MARCHF1: variants seen among roughly 807,000 people sequenced by gnomAD.
The protein encoded by MARCHF1 is E3 ubiquitin-protein ligase MARCHF1.
MARCHF1 carries 40 observed loss-of-function variants against 54.2 expected under a neutral mutation model. The observed-to-expected ratio is 0.74, with a 90% CI of 0.57 to 0.96. MARCHF1 has a LOEUF of 0.96. Ranked by LOEUF, MARCHF1 falls within the 40% of genes least tolerant of loss-of-function variation. The pLI is 0.00. For synonymous variants in MARCHF1, 236 were observed against 236.3 expected, an observed-to-expected ratio of 1.00 and a Z score of 0.01; for missense variants, 586 against 656.5, an observed-to-expected ratio of 0.89 and a Z score of 1.17.
intron 1 of MARCHF1, among the ~76,000 whole-genome samples, chr4:164,228,830 T>C (rs988931392): frequency 6.6e-6 from 1 of 152,278 alleles, no homozygotes; most frequent in South Asian, 2.1e-4. Context: ...GACCAAATCC[T>C]AGTCTTAATA....
Position 164,212,480 on chromosome 4 carries a change from T to A in MARCHF1, c.-322-100818A>T, listed in dbSNP as rs75141321. ...TCTATGGATGTTAACAGACTTAAAATTTTTTAAAGTATATTTTCTGTTTTT... is the reference window on the plus strand; with the variant it reads ...TCTATGGATGTTAACAGACTTAAAAATTTTTAAAGTATATTTTCTGTTTTT... On this transcript the variant is annotated intron_variant, in intron 1 of 9. Coordinates refer to ENST00000514618, the MANE Select transcript of MARCHF1 (RefSeq NM_001394959.1). Among the ~76,000 whole-genome samples the A allele has an allele frequency of 9.4e-3, 1,439 of 152,320 alleles. 26 individuals carry two copies. The highest frequency in any genetic ancestry group is 0.033 in the African/African-American group (1,367 of 41,568).
At chr4:164,039,095 T>G (rs756732942) in intron 2 of MARCHF1, among the ~76,000 whole-genome samples, 2 of 152,194 alleles carry the variant, frequency 1.3e-5, no homozygotes, top group Non-Finnish European at 2.9e-5. Flanking sequence ...AACAAATACA[T>G]GCACACACGT....
intron 8 of MARCHF1, among the ~76,000 whole-genome samples, chr4:163,547,218 T>C (rs991179458): frequency 1.9e-4 from 29 of 152,214 alleles, no homozygotes; most frequent in African/African-American, 6.8e-4. Flanking sequence ...CCTCACTGCC[T>C]CGTCTTCATG....
At chr4:164,119,056 A>G (rs1292814922) in intron 1 of MARCHF1, among the ~76,000 whole-genome samples, 1 of 151,580 alleles carries the variant, frequency 6.6e-6, no homozygotes, top group Non-Finnish European at 1.5e-5. Flanking sequence ...GGGTTTTTGC[A>G]TACCAAAAAT....
intron 8 of MARCHF1, among the ~76,000 whole-genome samples, chr4:163,568,964 C>T (rs1378738738): frequency 6.6e-6 from 1 of 152,162 alleles, no homozygotes; most frequent in Non-Finnish European, 1.5e-5. Context: ...AAAAGACTGT[C>T]TGTAGCAGTT....
chr4:164,255,812 A>C (rs1733264428), intron 1 of MARCHF1, among the ~76,000 whole-genome samples: 1 of 152,202 alleles, frequency 6.6e-6, no homozygotes, highest in South Asian at 2.1e-4. Flanking sequence ...ATCATATTTG[A>C]TACTTTGATA....
chr4:164,077,788 C>A (rs1023903990), intron 2 of MARCHF1, among the ~76,000 whole-genome samples: 10 of 152,208 alleles, frequency 6.6e-5, no homozygotes, highest in Non-Finnish European at 1.2e-4. Context: ...AAAAGCTCAT[C>A]ATCGCTGGTC....
chr4:164,351,127 G>A (rs1257624593), intron 1 of MARCHF1, among the ~76,000 whole-genome samples: 2 of 152,132 alleles, frequency 1.3e-5, no homozygotes, highest in Non-Finnish European at 2.9e-5. Context: ...ACGGAATCTC[G>A]CTGATTGCTA....
chr4:163,787,372 C>T (rs555612099), intron 4 of MARCHF1, among the ~76,000 whole-genome samples: 1 of 151,440 alleles, frequency 6.6e-6, no homozygotes, highest in East Asian at 1.9e-4. Context: ...AACCTCTAAA[C>T]TCAACAATAA....
intron 3 of MARCHF1, among the ~76,000 whole-genome samples, chr4:163,938,095 G>A (rs1209916445): frequency 6.6e-6 from 1 of 152,024 alleles, no homozygotes; most frequent in East Asian, 1.9e-4. Context: ...ATCCTCTCAG[G>A]CCACCTGCTT....
chr4:163,823,406 A>G (rs1479809437), intron 4 of MARCHF1, among the ~76,000 whole-genome samples: 1 of 151,866 alleles, frequency 6.6e-6, no homozygotes, highest in African/African-American at 2.4e-5. Context: ...AATCAAACCT[A>G]ATAAACTGTG....
intron 3 of MARCHF1, among the ~76,000 whole-genome samples, chr4:163,861,296 C>T (rs191454693): frequency 2.0e-5 from 3 of 152,218 alleles, no homozygotes; most frequent in Admixed American, 6.5e-5. Flanking sequence ...AAACGCAGAA[C>T]ATCCAAGAAC....
chr4:164,099,089 C>T (rs1434992092), intron 2 of MARCHF1, among the ~76,000 whole-genome samples: 1 of 152,184 alleles, frequency 6.6e-6, no homozygotes, highest in East Asian at 1.9e-4. Flanking sequence ...TTTTGATTCA[C>T]AATCTTTGCA....
At chr4:163,576,753 A>G (rs13137536) in intron 8 of MARCHF1, among the ~76,000 whole-genome samples, 46,852 of 151,592 alleles carry the variant, frequency 0.31, 9,045 homozygotes, top group Non-Finnish European at 0.43. Flanking sequence ...TATATTTAGG[A>G]TGGTTAAATC....
At chr4:163,575,202 GAT>G (rs1739996296) in intron 8 of MARCHF1, among the ~76,000 whole-genome samples, 1 of 151,966 alleles carries the variant, frequency 6.6e-6, no homozygotes, top group South Asian at 2.1e-4. Flanking sequence ...ATTATTTTGA[GAT>G]ATGTCCCTTT....
intron 5 of MARCHF1, among the ~76,000 whole-genome samples, chr4:163,696,898 G>T (rs1207552647): frequency 2.6e-5 from 4 of 152,000 alleles, no homozygotes; most frequent in Admixed American, 6.6e-5. Flanking sequence ...GCATATTAGG[G>T]GTTCCATTCA....
intron 1 of MARCHF1, among the ~76,000 whole-genome samples, chr4:164,360,843 G>A (rs1730702449): frequency 6.6e-6 from 1 of 151,974 alleles, no homozygotes; most frequent in Non-Finnish European, 1.5e-5. Context: ...AATAATTAGT[G>A]GAGAATACCT....
In MARCHF1 at chr4:163,940,079, C is replaced by T. The variant is rs535959172; in HGVS notation, c.-39+48422G>A. Among the ~76,000 whole-genome samples, 4 of 152,208 alleles carry T rather than the reference C, an allele frequency of 2.6e-5. 1 individual carries two copies. In the South Asian group the frequency reaches 8.3e-4, roughly 32 times the overall value. On this transcript the variant is annotated intron_variant, in intron 3 of 9. Coordinates refer to ENST00000514618, the MANE Select transcript of MARCHF1 (RefSeq NM_001394959.1). The stretch of plus-strand genomic sequence containing the variant: ...AAACAGGAAATAATTTTCTTCCTCT[C>T]TCCACTCTCCACCATGTGATAATAC...
At chr4:163,778,447 A>G (rs2110894215) in intron 4 of MARCHF1, among the ~76,000 whole-genome samples, 1 of 152,270 alleles carries the variant, frequency 6.6e-6, no homozygotes, top group Admixed American at 6.5e-5. Flanking sequence ...ATATTGCTAT[A>G]CTGAACAATA....
Sources: gnomAD v4.1 joint callset for allele counts (sites outside exome capture counted in the v4.1 genomes callset) on GRCh38, gnomAD v4.1.1 for gene constraint, MANE v1.5 for transcripts, NCBI Gene and HGNC (gene_info 2026-07-23, HGNC 2026-07-21) for gene names.